Variants in SHC3 observed in about 807,000 individuals in gnomAD.
The protein encoded by SHC3 is SHC-transforming protein 3.
A neutral mutation model predicts 60.4 loss-of-function variants in SHC3; 15 were observed. The ratio of observed to expected loss-of-function variants is 0.25; its 90% CI spans 0.17 to 0.38. SHC3 has a LOEUF of 0.38. Ranked by LOEUF, SHC3 falls within the 10% of genes least tolerant of loss-of-function variation. SHC3 has a pLI of 1.00. For synonymous variants in SHC3, 294 were observed against 325.9 expected, an observed-to-expected ratio of 0.90 and a Z score of 1.05; for missense variants, 677 against 786.1, an observed-to-expected ratio of 0.86 and a Z score of 1.66.
chr9:89,037,514 A>T, intron 11 of SHC3: 1 of 716,818 alleles, frequency 1.4e-6, no homozygotes, highest in Non-Finnish European at 2.6e-6. Flanking sequence ...CAACATCAGT[A>T]GGAGTTACTT....
chr9:89,138,461 A>G (rs1309097186), intron 1 of SHC3, among the ~76,000 whole-genome samples: 2 of 152,090 alleles, frequency 1.3e-5, no homozygotes. Context: ...AGCTGGTGGG[A>G]GTGTAATAGT....
chr9:89,037,889 G>T, intron 11 of SHC3, 104 bp downstream of exon 11: 2 of 1,417,486 alleles, frequency 1.4e-6, no homozygotes, highest in Non-Finnish European at 1.9e-6. Flanking sequence ...GTAGGCACTT[G>T]TGGATAGAGG....
intron 1 of SHC3, among the ~76,000 whole-genome samples, chr9:89,174,466 T>G (rs753906050): frequency 9.9e-5 from 15 of 152,194 alleles, no homozygotes; most frequent in Admixed American, 2.6e-4. Context: ...CCTATGTAAC[T>G]TCGCTGGAGC....
chr9:89,075,363 G>T, intron 3 of SHC3, 135 bp from the exon 4 acceptor site: 1 of 1,200,718 alleles, frequency 8.3e-7, no homozygotes, highest in Non-Finnish European at 1.2e-6. Flanking sequence ...AATGTGAAAT[G>T]AATAAGCTGG....
intron 11 of SHC3, among the ~76,000 whole-genome samples, chr9:89,030,078 A>G (rs992765713): frequency 1.3e-5 from 2 of 152,150 alleles, no homozygotes; most frequent in African/African-American, 2.4e-5. Flanking sequence ...ACATATACTA[A>G]TACCAGATAA....
At chr9:89,067,128 TC>T (rs1825196982) in intron 5 of SHC3, among the ~76,000 whole-genome samples, 1 of 152,234 alleles carries the variant, frequency 6.6e-6, no homozygotes, top group African/African-American at 2.4e-5. Context: ...AAATGAAAGA[TC>T]GTCCACCTGG....
intron 2 of SHC3, among the ~76,000 whole-genome samples, chr9:89,095,769 T>A (rs1357799300): frequency 6.6e-6 from 1 of 152,160 alleles, no homozygotes; most frequent in Non-Finnish European, 1.5e-5. Flanking sequence ...ACAAACTGAC[T>A]TTCATATTGA....
chr9:89,106,584 T>G (rs1825863439), intron 2 of SHC3, among the ~76,000 whole-genome samples: 1 of 152,030 alleles, frequency 6.6e-6, no homozygotes, highest in Admixed American at 6.5e-5. Context: ...CTTCCCCAGT[T>G]CCTACGCACT....
Position 89,058,980 on chromosome 9 carries a change from A to G in SHC3, c.835+6549T>C, listed in dbSNP as rs576240144. On this transcript the variant is annotated intron_variant, in intron 6 of 11. Coordinates refer to ENST00000375835, the MANE Select transcript of SHC3 (RefSeq NM_016848.6). ...ACATGGTGGAGGACAGTAGTGAAGG[A>G]CATGGTGGAGGACGGTGGTGTAGGA... Among the ~76,000 whole-genome samples, 15 of 147,042 alleles carry G rather than the reference A, an allele frequency of 1.0e-4. No individual in the cohort carries two copies. The South Asian group carries it at 1.8e-3, about 17-fold the overall frequency.
At chr9:89,035,856 T>G (rs1250646011) in intron 11 of SHC3, among the ~76,000 whole-genome samples, 154 of 88,990 alleles carry the variant, frequency 1.7e-3, no homozygotes, top group African/African-American at 6.1e-3. Context: ...TATAGATGTG[T>G]GTGTGTGTGT....
chr9:89,113,941 A>G (rs148647290), intron 1 of SHC3, among the ~76,000 whole-genome samples: 2 of 152,348 alleles, frequency 1.3e-5, no homozygotes, highest in African/African-American at 4.8e-5. Flanking sequence ...TCACAGGTTC[A>G]TGTGAATAAT....
chr9:89,122,463 AC>A (rs1377559157), intron 1 of SHC3, among the ~76,000 whole-genome samples: 1 of 152,342 alleles, frequency 6.6e-6, no homozygotes, highest in African/African-American at 2.4e-5. Flanking sequence ...GAAAAAAACA[AC>A]CTTTGTTGGT....
At chr9:89,110,933 G>A (rs928374390) in intron 2 of SHC3, among the ~76,000 whole-genome samples, 7 of 152,134 alleles carry the variant, frequency 4.6e-5, no homozygotes, top group Non-Finnish European at 8.8e-5. Context: ...CTACCACAGA[G>A]AGTCCCAGGA....
chr9:89,122,426 T>G (rs1306601502), intron 1 of SHC3, among the ~76,000 whole-genome samples: 3 of 152,258 alleles, frequency 2.0e-5, no homozygotes, highest in Admixed American at 1.3e-4. Flanking sequence ...TCATCTAAAT[T>G]GTCTACCAAA....
intron 2 of SHC3, among the ~76,000 whole-genome samples, chr9:89,104,058 A>G (rs983455130): frequency 6.6e-6 from 1 of 152,160 alleles, no homozygotes; most frequent in African/African-American, 2.4e-5. Context: ...TCTCAAGGAG[A>G]GTAGGGGAAT....
At chr9:89,172,849 T>C (rs994920688) in intron 1 of SHC3, among the ~76,000 whole-genome samples, 3 of 152,230 alleles carry the variant, frequency 2.0e-5, no homozygotes, top group African/African-American at 7.2e-5. Flanking sequence ...TTGAACATGC[T>C]GGCTCTTCCT....
At chr9:89,080,853 G>A (rs1295571595) in intron 2 of SHC3, among the ~76,000 whole-genome samples, 6 of 147,986 alleles carry the variant, frequency 4.1e-5, no homozygotes, top group South Asian at 2.1e-4. Context: ...TGCAAGCTCC[G>A]CCTCCCGGGT....
At position 89,103,992 on chromosome 9, in the gene SHC3, T is replaced by C. The variant is rs114367299; in HGVS notation, c.545+8564A>G. Among the ~76,000 whole-genome samples the C allele has an allele frequency of 3.3e-3, 499 of 152,278 alleles. 4 individuals carry two copies. The highest frequency in any genetic ancestry group is 0.011 in the African/African-American group (452 of 41,552). ...AAAGGAGCAATCAGAGAGGTACATT[T>C]TGACACAAATGTGCTTCTGGCATGA... On this transcript the variant is annotated intron_variant, in intron 2 of 11. Coordinates refer to ENST00000375835, the MANE Select transcript of SHC3 (RefSeq NM_016848.6).
intron 2 of SHC3, among the ~76,000 whole-genome samples, chr9:89,086,332 A>G (rs1047847584): frequency 6.6e-6 from 1 of 152,184 alleles, no homozygotes; most frequent in African/African-American, 2.4e-5. Flanking sequence ...CTGGCTACAA[A>G]TCAGGGTTCC....
Sources: allele counts gnomAD v4.1 joint callset (sites outside exome capture counted in the v4.1 genomes callset), GRCh38; gene constraint gnomAD v4.1.1; transcripts MANE v1.5; gene names NCBI Gene and HGNC (gene_info 2026-07-23, HGNC 2026-07-21).